CHN2: variants seen among roughly 807,000 people sequenced by gnomAD.
CHN2 encodes the protein chimerin 2.
CHN2 carries 35 observed loss-of-function variants against 56.3 expected under a neutral mutation model. That is an observed-to-expected ratio of 0.62 (90% CI 0.47 to 0.82). The LOEUF is 0.82. Ranked by LOEUF, CHN2 falls within the 40% of genes least tolerant of loss-of-function variation. The probability of loss-of-function intolerance (pLI) is 0.00; values close to 1 mark genes in which losing one functional copy is unlikely to be tolerated. For synonymous variants in CHN2, 210 were observed against 212.8 expected, an observed-to-expected ratio of 0.99 and a Z score of 0.12; for missense variants, 491 against 580.5, an observed-to-expected ratio of 0.85 and a Z score of 1.58.
chr7:29,319,473 A>G (rs1795188600), intron 1 of CHN2, among the ~76,000 whole-genome samples: 2 of 152,168 alleles, frequency 1.3e-5, no homozygotes, highest in Admixed American at 1.3e-4. Context: ...TGTGCTTTGT[A>G]TTCTCTGGAG....
At chr7:29,354,500 A>G (rs1798133767) in intron 1 of CHN2, 125 bp from the exon 2 acceptor site, 1 of 796,764 alleles carries the variant, frequency 1.3e-6, no homozygotes, top group Non-Finnish European at 2.1e-6. Context: ...CCTAAATGAG[A>G]AGAGAGTCCC....
At chr7:29,424,220 T>G (rs1804620796) in intron 6 of CHN2, among the ~76,000 whole-genome samples, 1 of 151,500 alleles carries the variant, frequency 6.6e-6, no homozygotes, top group Admixed American at 6.6e-5. Flanking sequence ...GTTTTTAAAT[T>G]AGTTCCATGC....
chr7:29,453,071 G>A (rs1784516060), intron 6 of CHN2, among the ~76,000 whole-genome samples: 1 of 152,200 alleles, frequency 6.6e-6, no homozygotes, highest in South Asian at 2.1e-4. Context: ...AGCTTTTTGG[G>A]GGGAATTGTT....
At chr7:29,156,061 G>A (rs1016539079) in intron 2 of CHN2, among the ~76,000 whole-genome samples, 5 of 152,148 alleles carry the variant, frequency 3.3e-5, no homozygotes, top group African/African-American at 9.7e-5. Context: ...GGGATAAACC[G>A]GCGAAGCATG....
intron 3 of CHN2, among the ~76,000 whole-genome samples, chr7:29,382,405 C>G (rs1800582902): frequency 1.3e-5 from 2 of 152,190 alleles, no homozygotes; most frequent in African/African-American, 4.8e-5. Context: ...GACAGGGGAA[C>G]AAGTTTTGTC....
intron 3 of CHN2, among the ~76,000 whole-genome samples, chr7:29,383,197 G>A (rs1451169073): frequency 6.6e-6 from 1 of 152,114 alleles, no homozygotes; most frequent in Non-Finnish European, 1.5e-5. Flanking sequence ...ATTCATCAGA[G>A]TTCTTCAGAG....
At chr7:29,299,164 C>T (rs996897077) in intron 1 of CHN2, among the ~76,000 whole-genome samples, 1 of 152,182 alleles carries the variant, frequency 6.6e-6, no homozygotes, top group Admixed American at 6.5e-5. Flanking sequence ...GCAAAAGGAC[C>T]AAACATCCTA....
intron 1 of CHN2, among the ~76,000 whole-genome samples, chr7:29,281,225 C>A (rs1791687646): frequency 1.3e-5 from 2 of 152,172 alleles, no homozygotes; most frequent in Admixed American, 6.5e-5. Flanking sequence ...GTATTTTTTG[C>A]ATGTACAAGC....
rs116808135 is a variant in CHN2 at position 29,211,961 on chromosome 7, A to G, written c.49+16971A>G. 4.2e-3 allele frequency among the ~76,000 whole-genome samples: 638 copies of G among 152,296 alleles called. 3 individuals carry two copies. Among genetic ancestry groups the G allele is most frequent in the African/African-American group, 0.015 (603 of 41,562 alleles). The stretch of plus-strand genomic sequence containing the variant: ...ACTATAACGAACCTCTTACCATCCA[A>G]CTTCAACAATGATCGCATCATAGCC... On this transcript the variant is annotated intron_variant, in intron 1 of 12. Coordinates refer to ENST00000222792, the MANE Select transcript of CHN2 (RefSeq NM_004067.4).
At chr7:29,460,243 C>T (rs1785060790) in intron 6 of CHN2, among the ~76,000 whole-genome samples, 1 of 152,152 alleles carries the variant, frequency 6.6e-6, no homozygotes, top group Non-Finnish European at 1.5e-5. Context: ...GGTCCCATGC[C>T]CCACCCGCCC....
intron 7 of CHN2, among the ~76,000 whole-genome samples, chr7:29,495,008 G>A (rs1423058213): frequency 7.1e-6 from 1 of 141,538 alleles, no homozygotes; most frequent in Non-Finnish European, 1.5e-5. Flanking sequence ...TGTTAATAGA[G>A]GTTTATGACT....
chr7:29,480,860 A>C (rs1234795741), intron 7 of CHN2, among the ~76,000 whole-genome samples: 1 of 152,006 alleles, frequency 6.6e-6, no homozygotes, highest in Non-Finnish European at 1.5e-5. Flanking sequence ...GCCATCCAGA[A>C]GCTTTTATTT....
intron 2 of CHN2, among the ~76,000 whole-genome samples, chr7:29,364,542 C>T (rs1017047532): frequency 1.3e-5 from 2 of 152,192 alleles, no homozygotes; most frequent in African/African-American, 2.4e-5. Context: ...TGCTCATTAA[C>T]AGTAACATCC....
chr7:29,507,464 A>C, intron 11 of CHN2, 99 bp downstream of exon 11: 1 of 908,758 alleles, frequency 1.1e-6, no homozygotes, highest in Non-Finnish European at 1.7e-6. Context: ...AAATTATTGC[A>C]TTTGTGCCTG....
intron 3 of CHN2, among the ~76,000 whole-genome samples, chr7:29,392,149 A>G (rs1290856803): frequency 6.6e-6 from 1 of 152,170 alleles, no homozygotes; most frequent in Non-Finnish European, 1.5e-5. Flanking sequence ...AAGAATGGAG[A>G]TTTTGCCATT....
intron 10 of CHN2, 105 bp downstream of exon 10, chr7:29,504,926 T>A: frequency 2.7e-6 from 2 of 748,530 alleles, no homozygotes; most frequent in Non-Finnish European, 4.5e-6. Flanking sequence ...TACTAAGAGT[T>A]GTTCTTCAAG....
At chr7:29,292,864 A>AT in intron 1 of CHN2, 1 of 455,958 alleles carries the variant, frequency 2.2e-6, no homozygotes, top group East Asian at 7.0e-5. Flanking sequence ...GGAAGAAAAT[A>AT]TATCTGTCAC....
chr7:29,307,447 G>A (rs954552817), intron 1 of CHN2, among the ~76,000 whole-genome samples: 4 of 152,208 alleles, frequency 2.6e-5, no homozygotes, highest in Admixed American at 2.0e-4. Flanking sequence ...CTGCAAACAT[G>A]TCTCTGTTCT....
rs759340406 is a variant in CHN2 at position 29,400,537 on chromosome 7, G to T, written c.291-6G>T. The stretch of plus-strand genomic sequence containing the variant: ...TGGTTGTAATCCCTCATTCTCTCAC[G>T]GGCAGGTTTGGAAACCAGACCTTAA... On this transcript the variant is annotated splice_region_variant and splice_polypyrimidine_tract_variant and intron_variant, in intron 5 of 12. Transcript: ENST00000222792. 4.3e-6 allele frequency: 7 copies of T among 1,612,838 alleles called. No homozygotes were observed. The highest frequency in any genetic ancestry group is 1.7e-6 in the Non-Finnish European group (2 of 1,179,396).
Sources: gnomAD v4.1 joint callset for allele counts (sites outside exome capture counted in the v4.1 genomes callset) on GRCh38, gnomAD v4.1.1 for gene constraint, MANE v1.5 for transcripts, NCBI Gene and HGNC (gene_info 2026-07-23, HGNC 2026-07-21) for gene names.